Variants in CERS3 observed in about 807,000 individuals in gnomAD.
The protein encoded by CERS3 is LAG1 homolog, ceramide synthase 3.
A neutral mutation model predicts 50.3 loss-of-function variants in CERS3; 33 were observed. That is an observed-to-expected ratio of 0.66 (90% CI 0.50 to 0.88). The LOEUF (loss-of-function observed/expected upper bound fraction) is 0.88, where lower values mean the gene tolerates loss of function less well. CERS3 is among the 40% of genes least tolerant of loss of function. CERS3 has a pLI of 0.00. For synonymous variants in CERS3, 176 were observed against 155.2 expected (o/e 1.13, Z -0.99); for missense variants, 470 against 460.3 (o/e 1.02, Z -0.19).
Position 100,495,789 on chromosome 15 carries a change from C to T in CERS3, c.174-4858G>A, listed in dbSNP as rs2035794421. 2.0e-5 allele frequency among the ~76,000 whole-genome samples: 3 copies of T among 152,028 alleles called. No individual in the cohort carries two copies. The South Asian group carries it at 6.2e-4, about 32-fold the overall frequency. On this transcript the variant is annotated intron_variant, in intron 3 of 11. Coordinates refer to ENST00000679737, the MANE Select transcript of CERS3 (RefSeq NM_001378789.1). The stretch of plus-strand genomic sequence containing the variant: ...AAAAGATAACTAGTAAGGTATTTTG[C>T]ATATCATATAATTCAATATTTTCAA...
chr15:100,536,755 T>A (rs1441506558), intron 1 of CERS3, among the ~76,000 whole-genome samples: 1 of 152,198 alleles, frequency 6.6e-6, no homozygotes, highest in African/African-American at 2.4e-5. Flanking sequence ...TACTGAACAC[T>A]GGGCTGGGCA....
intron 4 of CERS3, among the ~76,000 whole-genome samples, chr15:100,489,618 G>T (rs2035591249): frequency 6.6e-6 from 1 of 152,118 alleles, no homozygotes; most frequent in African/African-American, 2.4e-5. Context: ...GACCCAGAAA[G>T]AGCCCTATCT....
chr15:100,538,278 G>T (rs2037120163), intron 1 of CERS3, among the ~76,000 whole-genome samples: 1 of 152,224 alleles, frequency 6.6e-6, no homozygotes, highest in Non-Finnish European at 1.5e-5. Context: ...GGGTCTGGAG[G>T]ATGGTAGCCC....
At chr15:100,524,350 C>G (rs1202108792) in intron 1 of CERS3, among the ~76,000 whole-genome samples, 1 of 152,156 alleles carries the variant, frequency 6.6e-6, no homozygotes, top group Non-Finnish European at 1.5e-5. Flanking sequence ...ATAGTGTAAT[C>G]TACACAACAA....
intron 2 of CERS3, among the ~76,000 whole-genome samples, chr15:100,518,349 G>C (rs1455544241): frequency 1.3e-5 from 2 of 152,086 alleles, no homozygotes; most frequent in Non-Finnish European, 2.9e-5. Context: ...GAAGGACAGA[G>C]AGAGAGAGAG....
At chr15:100,487,664 GA>G (rs1414496225) in intron 4 of CERS3, among the ~76,000 whole-genome samples, 2 of 152,216 alleles carry the variant, frequency 1.3e-5, no homozygotes, top group Non-Finnish European at 2.9e-5. Context: ...ATGGGGCCAA[GA>G]GACCTGGCCT....
chr15:100,430,244 G>A lies in CERS3; in HGVS notation c.999+25649C>T, dbSNP rs945339367. 1.1e-4 allele frequency among the ~76,000 whole-genome samples: 16 copies of A among 151,676 alleles called. 1 individual carries two copies. In the East Asian group the frequency reaches 1.9e-3, roughly 18 times the overall value. On this transcript the variant is annotated intron_variant, in intron 11 of 11. Transcript: ENST00000679737. ...GGAGAATGGCGTGAACCCGGGAGGC[G>A]GAGCTTGCAGTGAGCCGAGATCACG... is the stretch of plus-strand genomic sequence containing the variant.
intron 3 of CERS3, among the ~76,000 whole-genome samples, chr15:100,499,350 C>G (rs1387819489): frequency 6.6e-6 from 1 of 152,040 alleles, no homozygotes; most frequent in Non-Finnish European, 1.5e-5. Flanking sequence ...AAATAAAAAT[C>G]AAAACATTAG....
chr15:100,466,861 T>C (rs62038984), intron 10 of CERS3, among the ~76,000 whole-genome samples: 2,049 of 33,924 alleles, frequency 0.06, 201 homozygotes, highest in South Asian at 0.11. Flanking sequence ...CTCTCTTTCT[T>C]TCTTTCTTTC....
intron 11 of CERS3, among the ~76,000 whole-genome samples, chr15:100,405,233 T>TAAA (rs752244347): frequency 2.7e-3 from 93 of 34,932 alleles, no homozygotes; most frequent in African/African-American, 6.0e-3. Flanking sequence ...AACTCAATGG[T>TAAA]AAAAAAAAAA....
intron 3 of CERS3, among the ~76,000 whole-genome samples, chr15:100,493,616 T>C (rs1320683346): frequency 6.6e-6 from 1 of 152,188 alleles, no homozygotes; most frequent in Non-Finnish European, 1.5e-5. Flanking sequence ...CTTCACATTT[T>C]TGGGGTCCTA....
Position 100,504,853 on chromosome 15 carries a change from T to C in CERS3, c.-1-3003A>G, listed in dbSNP as rs377084564. 2.7e-4 allele frequency among the ~76,000 whole-genome samples: 41 copies of C among 152,352 alleles called. No individual in the cohort carries two copies. The East Asian group carries it at 6.9e-3, about 26-fold the overall frequency. On this transcript the variant is annotated intron_variant, in intron 2 of 11. Coordinates refer to ENST00000679737, the MANE Select transcript of CERS3 (RefSeq NM_001378789.1). The stretch of plus-strand genomic sequence containing the variant: ...GACTCAAGCTTGGTTGCCTGAACCA[T>C]CTGACATAACTGACCAAAAGGGGAA...
intron 8 of CERS3, 120 bp from the exon 9 acceptor site, chr15:100,473,172 A>T: frequency 9.2e-7 from 1 of 1,091,774 alleles, no homozygotes; most frequent in Non-Finnish European, 1.3e-6. Flanking sequence ...TGAAATTTAT[A>T]AAATGCTTTT....
chr15:100,524,340 A>G (rs573254639), intron 1 of CERS3, among the ~76,000 whole-genome samples: 1 of 152,108 alleles, frequency 6.6e-6, no homozygotes, highest in East Asian at 1.9e-4. Flanking sequence ...AATCACTGCA[A>G]TAGTGTAATC....
chr15:100,528,277 T>G (rs1314832170), intron 1 of CERS3, among the ~76,000 whole-genome samples: 6 of 152,156 alleles, frequency 3.9e-5, no homozygotes, highest in Non-Finnish European at 8.8e-5. Flanking sequence ...AGAAGCAGCT[T>G]AGGAAGGCCT....
intron 11 of CERS3, among the ~76,000 whole-genome samples, chr15:100,409,074 C>CA (rs758464456): frequency 1.3e-5 from 2 of 152,096 alleles, no homozygotes; most frequent in Non-Finnish European, 2.9e-5. Flanking sequence ...GCAGGACACC[C>CA]AGGAGACTGG....
chr15:100,413,936 ATAG>A (rs1468973150), intron 11 of CERS3, among the ~76,000 whole-genome samples: 2 of 152,160 alleles, frequency 1.3e-5, no homozygotes, highest in African/African-American at 4.8e-5. Context: ...TGAAATTGAA[ATAG>A]TAATAGTAAT....
At chr15:100,533,881 A>C (rs537781281), upstream of CERS3, among the ~76,000 whole-genome samples, 2 of 152,176 alleles carry the variant, frequency 1.3e-5, no homozygotes, top group African/African-American at 4.8e-5. Flanking sequence ...CAAAACTTGA[A>C]GTCAGTATGC....
chr15:100,423,912 A>G (rs1377049318), intron 11 of CERS3, among the ~76,000 whole-genome samples: 3 of 150,894 alleles, frequency 2.0e-5, no homozygotes, highest in African/African-American at 4.9e-5. Flanking sequence ...TTTTTTCTCC[A>G]TAAATTACTC....
Sources: allele counts gnomAD v4.1 joint callset (sites outside exome capture counted in the v4.1 genomes callset), GRCh38; gene constraint gnomAD v4.1.1; transcripts MANE v1.5; gene names NCBI Gene and HGNC (gene_info 2026-07-23, HGNC 2026-07-21).